EYS: variants seen among roughly 807,000 people sequenced by gnomAD.
The protein encoded by EYS is EGF-like photoreceptor maintenance factor, also known as protein eyes shut homolog.
In EYS, 250 loss-of-function variants were observed where a neutral mutation model predicts 282.1. The ratio of observed to expected loss-of-function variants is 0.89; its 90% confidence interval spans 0.80 to 0.98. EYS has a LOEUF of 0.98. Among genes scored for constraint, EYS ranks in the 50% least tolerant of loss-of-function variants. The probability of loss-of-function intolerance (pLI) is 0.00; values close to 1 mark genes in which losing one functional copy is unlikely to be tolerated. For missense variants in EYS, 4,016 were observed against 3,709.0 expected (o/e 1.08, Z -2.15); for synonymous variants, 1,355 against 1,282.9 (o/e 1.06, Z -1.20).
intron 12 of EYS, among the ~76,000 whole-genome samples, chr6:65,100,535 C>T (rs1462397184): frequency 1.3e-5 from 2 of 150,342 alleles, no homozygotes; most frequent in African/African-American, 4.9e-5. Context: ...GGAAAAATTG[C>T]TAAAGGTAAC....
At chr6:63,975,045 T>C (rs901730459) in intron 35 of EYS, among the ~76,000 whole-genome samples, 5 of 151,186 alleles carry the variant, frequency 3.3e-5, no homozygotes, top group South Asian at 2.1e-4. Context: ...AAAGAATAAA[T>C]GACCTCACAT....
intron 14 of EYS, among the ~76,000 whole-genome samples, chr6:64,950,983 T>A (rs962594623): frequency 2.0e-5 from 3 of 151,272 alleles, no homozygotes; most frequent in African/African-American, 7.3e-5. Context: ...TGCATCTAGA[T>A]AAGCAGAAAG....
intron 11 of EYS, among the ~76,000 whole-genome samples, chr6:65,319,846 T>C (rs1039107019): frequency 2.6e-5 from 4 of 152,134 alleles, no homozygotes; most frequent in African/African-American, 4.8e-5. Context: ...GACATAATCA[T>C]TGAAAGAGAG....
intron 21 of EYS, among the ~76,000 whole-genome samples, chr6:64,821,074 A>G (rs1252139107): frequency 1.3e-5 from 2 of 152,048 alleles, no homozygotes; most frequent in Non-Finnish European, 2.9e-5. Flanking sequence ...AAGAACGGTC[A>G]CAATTCTCAG....
intron 19 of EYS, among the ~76,000 whole-genome samples, chr6:64,878,184 C>G (rs565965670): frequency 9.9e-5 from 15 of 152,088 alleles, no homozygotes; most frequent in Middle Eastern, 6.8e-3. Flanking sequence ...GAGATTGCAC[C>G]ACTGCACTCC....
chr6:64,844,634 GC>G lies in EYS; in HGVS notation c.2993-21813del, dbSNP rs146568865. On this transcript the variant is annotated intron_variant, in intron 19 of 42. Coordinates refer to ENST00000503581, the MANE Select transcript of EYS (RefSeq NM_001142800.2). ...CTTGGTTTTCTCCTGATGATACCAA[GC>G]TTTTTGAAACCCTCTTTAGGGGAAG... 8.9e-3 allele frequency among the ~76,000 whole-genome samples: 1,358 copies of G among 152,158 alleles called. 17 individuals are homozygous for G. Among genetic ancestry groups the G allele is most frequent in the African/African-American group, 0.031 (1,289 of 41,530 alleles).
intron 16 of EYS, among the ~76,000 whole-genome samples, chr6:64,911,306 T>C (rs1329300185): frequency 6.6e-6 from 1 of 152,246 alleles, no homozygotes; most frequent in East Asian, 1.9e-4. Context: ...AAATATTCTC[T>C]CATATGCTCT....
chr6:65,699,360 C>T (rs115858780), intron 1 of EYS, among the ~76,000 whole-genome samples: 4,207 of 152,060 alleles, frequency 0.028, 116 homozygotes, highest in African/African-American at 0.067. Context: ...TTATGAATTT[C>T]CCTTACTTAA....
chr6:64,710,821 T>C (rs114352750), intron 22 of EYS, among the ~76,000 whole-genome samples: 1 of 152,238 alleles, frequency 6.6e-6, no homozygotes, highest in Non-Finnish European at 1.5e-5. Flanking sequence ...GGAACATTTA[T>C]GCAAATGCTC....
intron 2 of EYS, among the ~76,000 whole-genome samples, chr6:65,533,845 G>A (rs79110055): frequency 0.016 from 2,442 of 152,162 alleles, 74 homozygotes; most frequent in African/African-American, 0.056. Context: ...TTTTAGTACA[G>A]CAGCCTGAAT....
chr6:64,731,733 T>G (rs1771973489), intron 22 of EYS, among the ~76,000 whole-genome samples: 1 of 152,228 alleles, frequency 6.6e-6, no homozygotes, highest in East Asian at 1.9e-4. Context: ...TTAGTTTAAA[T>G]GTTGTGGAAG....
intron 28 of EYS, among the ~76,000 whole-genome samples, chr6:64,422,552 T>C (rs945214699): frequency 9.8e-5 from 15 of 152,344 alleles, no homozygotes; most frequent in African/African-American, 3.4e-4. Context: ...GAACTTTCTG[T>C]TGTGAAGCCT....
intron 41 of EYS, among the ~76,000 whole-genome samples, chr6:63,746,311 C>T (rs866651161): frequency 1.8e-4 from 28 of 152,160 alleles, no homozygotes; most frequent in African/African-American, 6.5e-4. Flanking sequence ...TGATGTGCTG[C>T]CGGATTTAGT....
At chr6:65,402,073 G>T (rs1038121689) in intron 7 of EYS, among the ~76,000 whole-genome samples, 1 of 151,526 alleles carries the variant, frequency 6.6e-6, no homozygotes, top group African/African-American at 2.4e-5. Flanking sequence ...TATCTGCTGA[G>T]GTTTGTGAAA....
intron 38 of EYS, among the ~76,000 whole-genome samples, 190 bp downstream of exon 38, chr6:63,788,868 T>A (rs973763627): frequency 2.0e-5 from 3 of 152,222 alleles, no homozygotes; most frequent in East Asian, 3.8e-4. Flanking sequence ...CTTATCTGTG[T>A]TAGTAATCCC....
chr6:64,247,688 C>T (rs1205873229), intron 30 of EYS, among the ~76,000 whole-genome samples: 1 of 152,046 alleles, frequency 6.6e-6, no homozygotes, highest in Non-Finnish European at 1.5e-5. Context: ...GAGGGTGACT[C>T]TATACCCGTA....
rs556879718 is a variant in EYS at position 64,790,775 on chromosome 6, G to A, written c.3443+22603C>T. ...AAAAGTGTTATCATTTCAAAGATAC[G>A]ATTTCTGGTATGTATTTGAAAGGCA... On this transcript the variant is annotated intron_variant, in intron 22 of 42. Coordinates refer to ENST00000503581, the MANE Select transcript of EYS (RefSeq NM_001142800.2). Among the ~76,000 whole-genome samples the A allele has an allele frequency of 4.6e-5, 7 of 151,908 alleles. No homozygotes were observed. The South Asian group carries it at 8.3e-4, about 18-fold the overall frequency.
chr6:64,077,119 A>G (rs761623308), intron 32 of EYS, among the ~76,000 whole-genome samples: 1 of 152,014 alleles, frequency 6.6e-6, no homozygotes, highest in Non-Finnish European at 1.5e-5. Flanking sequence ...CCATGTTTGC[A>G]ACTTACTCTT....
At chr6:64,761,550 G>C (rs1214163255) in intron 22 of EYS, among the ~76,000 whole-genome samples, 2 of 152,148 alleles carry the variant, frequency 1.3e-5, no homozygotes, top group African/African-American at 2.4e-5. Flanking sequence ...TCTGCTTCCT[G>C]GGTTTAAGCA....
Sources: gnomAD v4.1 joint callset for allele counts (sites outside exome capture counted in the v4.1 genomes callset) on GRCh38, gnomAD v4.1.1 for gene constraint, MANE v1.5 for transcripts, NCBI Gene and HGNC (gene_info 2026-07-23, HGNC 2026-07-21) for gene names.